The following SLC25A48 variants were observed in gnomAD, a reference collection of about 807,000 sequenced individuals.
The protein encoded by SLC25A48 is CTC-321K16.1.
Under a neutral mutation model 32.2 loss-of-function variants are expected in SLC25A48, and 29 were observed. That is an observed-to-expected ratio of 0.90 (90% confidence interval 0.67 to 1.23). The LOEUF is 1.23. SLC25A48 is among the 50% of genes most tolerant of loss of function. The probability of loss-of-function intolerance (pLI) is 0.00; values close to 1 mark genes in which losing one functional copy is unlikely to be tolerated. For missense variants in SLC25A48, 399 were observed against 422.7 expected, an observed-to-expected ratio of 0.94 and a Z score of 0.49; for synonymous variants, 164 against 172.3, an observed-to-expected ratio of 0.95 and a Z score of 0.38.
At chr5:135,843,924 A>G (rs1299285962) in intron 2 of SLC25A48, among the ~76,000 whole-genome samples, 1 of 152,132 alleles carries the variant, frequency 6.6e-6, no homozygotes, top group Non-Finnish European at 1.5e-5. Context: ...CCTGGGTCCC[A>G]GAGCCCACCA....
At chr5:135,831,673 C>A (rs1182815788), upstream of SLC25A48, among the ~76,000 whole-genome samples, 1 of 152,200 alleles carries the variant, frequency 6.6e-6, no homozygotes, top group Non-Finnish European at 1.5e-5. Context: ...CACACACATG[C>A]ACAGAATGTG....
upstream of SLC25A48, among the ~76,000 whole-genome samples, chr5:135,832,113 G>A (rs1758229930): frequency 6.6e-6 from 1 of 152,138 alleles, no homozygotes; most frequent in Non-Finnish European, 1.5e-5. Flanking sequence ...GTTCATCGAG[G>A]GATGCGCTAA....
intron 1 of SLC25A48, among the ~76,000 whole-genome samples, chr5:135,605,029 T>C (rs1328453627): frequency 2.0e-5 from 3 of 152,336 alleles, no homozygotes; most frequent in Admixed American, 2.0e-4. Flanking sequence ...AAACATTGAA[T>C]GTCATTGAAA....
intron 3 of SLC25A48, among the ~76,000 whole-genome samples, chr5:135,708,475 CT>C: frequency 6.6e-6 from 1 of 152,306 alleles, no homozygotes; most frequent in Admixed American, 6.5e-5. Flanking sequence ...AATAAGAGAC[CT>C]GCTAAATATA....
intron 3 of SLC25A48, among the ~76,000 whole-genome samples, chr5:135,699,442 A>G (rs958348100): frequency 6.6e-5 from 10 of 151,470 alleles, no homozygotes; most frequent in Admixed American, 2.0e-4. Context: ...TGAGACCAAG[A>G]GATACATGAC....
intron 3 of SLC25A48, among the ~76,000 whole-genome samples, chr5:135,750,484 G>T (rs907657412): frequency 1.3e-5 from 2 of 152,086 alleles, no homozygotes; most frequent in Admixed American, 1.3e-4. Flanking sequence ...TGGCAGCTGG[G>T]AATGACAAAG....
intron 1 of SLC25A48, chr5:135,609,831 A>G (rs1208826678): frequency 6.6e-6 from 1 of 152,252 alleles, no homozygotes; most frequent in African/African-American, 2.4e-5. Flanking sequence ...ATTTGCAGAT[A>G]TCTCTAGAAG....
intron 3 of SLC25A48, among the ~76,000 whole-genome samples, chr5:135,666,692 A>C (rs1016076793): frequency 7.1e-6 from 1 of 141,146 alleles, no homozygotes; most frequent in Admixed American, 7.1e-5. Context: ...AGAGAGAGAG[A>C]ATTAGTTTAG....
chr5:135,814,456 C>T lies in SLC25A48; in HGVS notation c.-117+1530C>T, dbSNP rs185129834. On this transcript the variant is annotated intron_variant, in intron 4 of 10. Coordinates refer to the SLC25A48 transcript ENST00000646290. ...GACAGTAGGAATGTCAAACATCCTG[C>T]CTGTGCTGTCCTCACCTGCTTCTTC... Among the ~76,000 whole-genome samples the T allele has an allele frequency of 9.6e-4, 146 of 152,300 alleles. 4 individuals are homozygous for T. Among genetic ancestry groups the T allele is most frequent in the Admixed American group, 9.8e-4 (15 of 15,298 alleles).
chr5:135,664,934 A>C (rs1456541215), intron 3 of SLC25A48, among the ~76,000 whole-genome samples: 1 of 152,246 alleles, frequency 6.6e-6, no homozygotes, highest in Non-Finnish European at 1.5e-5. Context: ...CTTTGGGTAG[A>C]TACCCAGCAG....
At chr5:135,858,396 C>T (rs889647392) in intron 4 of SLC25A48, among the ~76,000 whole-genome samples, 8 of 152,198 alleles carry the variant, frequency 5.3e-5, no homozygotes, top group Non-Finnish European at 5.9e-5. Context: ...ATTGGAGGAC[C>T]CACCTCTGCC....
At chr5:135,765,057 G>A (rs62365692) in intron 3 of SLC25A48, among the ~76,000 whole-genome samples, 61,535 of 151,312 alleles carry the variant, frequency 0.41, 14,338 homozygotes, top group Non-Finnish European at 0.52. Flanking sequence ...GATATGGTTC[G>A]TAATATCCAG....
exon 4 of SLC25A48, chr5:135,812,720 G>T: frequency 6.6e-6 from 1 of 152,348 alleles, no homozygotes; most frequent in Non-Finnish European, 1.5e-5. Flanking sequence ...ATGACTTCTG[G>T]GGCACAGCAA....
Position 135,886,648 on chromosome 5 carries a change from ATGTG to A in SLC25A48, c.*8-1361_*8-1358del, listed in dbSNP as rs70976584. Among the ~76,000 whole-genome samples, 131 of 64,712 alleles carry A rather than the reference ATGTG, an allele frequency of 2.0e-3. 4 individuals are homozygous for A. The highest frequency in any genetic ancestry group is 7.1e-3 in the South Asian group (13 of 1,824). 42.5% of individuals were successfully genotyped at this position (64,712 alleles called of 152,430 possible). On this transcript the variant is annotated intron_variant, in intron 7 of 7. Coordinates refer to ENST00000681962, the MANE Select transcript of SLC25A48 (RefSeq NM_001349336.2). ...ATATATATATATATAAAATATATAT[ATGTG>A]TGTGTGTGTGTGTGTGTGTGTGAGA...
chr5:135,647,680 C>G (rs895322313), intron 3 of SLC25A48, among the ~76,000 whole-genome samples: 1 of 152,170 alleles, frequency 6.6e-6, no homozygotes, highest in East Asian at 1.9e-4. Context: ...TTGCATTGTG[C>G]TCATGGCAGG....
chr5:135,731,431 A>G (rs1007677364), intron 3 of SLC25A48, among the ~76,000 whole-genome samples: 1 of 152,182 alleles, frequency 6.6e-6, no homozygotes, highest in African/African-American at 2.4e-5. Flanking sequence ...AAATAGTGGT[A>G]AAGTGTTGGG....
At chr5:135,876,122 T>TTTC (rs1219301009) in intron 6 of SLC25A48, 2 of 103,408 alleles carry the variant, frequency 1.9e-5, no homozygotes, top group Admixed American at 1.3e-4. Context: ...GTATCTTTTT[T>TTTC]TTCTTCTTCT....
At chr5:135,719,677 G>T (rs1010402254) in intron 3 of SLC25A48, among the ~76,000 whole-genome samples, 29 of 152,178 alleles carry the variant, frequency 1.9e-4, no homozygotes, top group African/African-American at 6.5e-4. Flanking sequence ...AAGGAGGAGA[G>T]TGCAGTGCTG....
intron 7 of SLC25A48, among the ~76,000 whole-genome samples, chr5:135,880,986 C>T (rs1189099058): frequency 6.6e-6 from 1 of 152,014 alleles, no homozygotes; most frequent in Non-Finnish European, 1.5e-5. Flanking sequence ...CACCCTCACT[C>T]CCCAGGTGGG....
Sources: allele counts gnomAD v4.1 joint callset (sites outside exome capture counted in the v4.1 genomes callset), GRCh38; gene constraint gnomAD v4.1.1; transcripts MANE v1.5; gene names NCBI Gene and HGNC (gene_info 2026-07-23, HGNC 2026-07-21).